The following MAU2 variants were observed in gnomAD, a reference collection of about 807,000 sequenced individuals.
MAU2 encodes the protein MAU2 sister chromatid cohesion factor, also known as MAU2 chromatid cohesion factor homolog.
In MAU2, 9 loss-of-function variants were observed where a neutral mutation model predicts 89.1. That is an observed-to-expected ratio of 0.10 (90% confidence interval 0.06 to 0.18). The LOEUF is 0.18. Ranked by LOEUF, MAU2 falls within the 10% of genes least tolerant of loss-of-function variation. The pLI is 1.00. For synonymous variants in MAU2, 357 were observed against 343.4 expected (o/e 1.04, Z -0.44); for missense variants, 425 against 803.5 (o/e 0.53, Z 5.69).
chr19:19,334,019 C>T (rs867400406), intron 1 of MAU2: 1 of 219,094 alleles, frequency 4.6e-6, no homozygotes, highest in African/African-American at 2.3e-5. Flanking sequence ...TCCCCTCTCT[C>T]CTGTGTGATT....
rs754973696 is a variant in MAU2 at position 19,343,832 on chromosome 19, C to G, written c.974-5C>G. On this transcript the variant is annotated splice_polypyrimidine_tract_variant and splice_region_variant and intron_variant, in intron 9 of 18. Coordinates refer to ENST00000262815, the MANE Select transcript of MAU2 (RefSeq NM_015329.4). ...TGCATGCTTACCCCTGACTCTCACC[C>G]ATAGTGCTGGACTGCAGCCCCATCC... 12 of 1,610,114 alleles carry G rather than the reference C, an allele frequency of 7.5e-6. No homozygotes were observed. The highest frequency in any genetic ancestry group is 2.7e-5 in the African/African-American group (2 of 74,870).
chr19:19,320,831 G>A lies in MAU2; in HGVS notation c.-29G>A. 1 of 1,496,196 alleles carries A rather than the reference G, an allele frequency of 6.7e-7. No individual in the cohort carries two copies. Among genetic ancestry groups the A allele is most frequent in the Non-Finnish European group, 8.8e-7 (1 of 1,136,956 alleles). The allele number at this position is 1,496,196 out of a possible 1,614,324, so 92.7% of individuals were successfully genotyped here. On this transcript the variant is annotated 5_prime_UTR_variant, in exon 1 of 19. Coordinates refer to ENST00000262815, the MANE Select transcript of MAU2 (RefSeq NM_015329.4). ...CGCGCGCCTGCTTCCGCCTCCCTGT[G>A]GCGGCGGCTTGTTGTTGTGGAGGCC...
intron 16 of MAU2, chr19:19,353,149 G>T (rs1321262279): frequency 6.6e-6 from 1 of 152,234 alleles, no homozygotes; most frequent in African/African-American, 2.4e-5. Flanking sequence ...AGCCTGTTAG[G>T]CTAGAGTGTC....
rs2146695509 is a variant in MAU2 at position 19,345,420 on chromosome 19, A to G, written c.1221+51A>G. 1 of 1,578,404 alleles carries G rather than the reference A, an allele frequency of 6.3e-7. No individual in the cohort carries two copies. Among genetic ancestry groups the G allele is most frequent in the Non-Finnish European group, 8.7e-7 (1 of 1,151,260 alleles). Reference sequence around the variant, plus strand: ...TCGGGGCGGGCCACACTTCTGAGTAAGGAGTCGGGCGTGGTCTGTGATGAG... The same window carrying G: ...TCGGGGCGGGCCACACTTCTGAGTAGGGAGTCGGGCGTGGTCTGTGATGAG... On this transcript the variant is annotated intron_variant, in intron 12 of 18. Transcript: ENST00000262815. The surrounding 1 kb of genome is among the most constrained non-coding windows in gnomAD (Gnocchi z 4.9).
intron 4 of MAU2, 126 bp from the exon 5 acceptor site, chr19:19,338,719 A>G (rs544507501): frequency 2.4e-5 from 16 of 665,020 alleles, no homozygotes; most frequent in South Asian, 1.9e-4. Context: ...AATTTAGCTC[A>G]AAACTGACAC....
intron 1 of MAU2, chr19:19,334,264 C>G: frequency 2.0e-6 from 2 of 985,566 alleles, no homozygotes; most frequent in South Asian, 9.4e-5. Flanking sequence ...CCCTCCTGTC[C>G]GTGCCACAAG....
intron 12 of MAU2, chr19:19,347,070 A>T: frequency 1.8e-6 from 1 of 543,858 alleles, no homozygotes; most frequent in Non-Finnish European, 3.3e-6. Flanking sequence ...TGTGTTCTCT[A>T]ACTGCCCCGT....
chr19:19,345,840 C>T lies in MAU2; in HGVS notation c.1221+471C>T, dbSNP rs1302191423. Among the ~76,000 whole-genome samples the T allele has an allele frequency of 6.6e-6, 1 of 152,162 alleles. No homozygotes were observed. Among genetic ancestry groups the T allele is most frequent in the Non-Finnish European group, 1.5e-5 (1 of 67,998 alleles). ...GTGAAGCAGCACCCCAGGCTCCTGG[C>T]CTTAGACGGGGGCCCCGCCAGGCCC... On this transcript the variant is annotated intron_variant, in intron 12 of 18. Transcript: ENST00000262815. This position sits in a 1 kb window ranked among gnomAD's most constrained non-coding sequence, Gnocchi z 4.9.
intron 1 of MAU2, among the ~76,000 whole-genome samples, chr19:19,329,735 A>T (rs1276150276): frequency 6.6e-6 from 1 of 151,718 alleles, no homozygotes; most frequent in Non-Finnish European, 1.5e-5. Flanking sequence ...GCACTTTGGG[A>T]GGCTAAGGCG....
At chr19:19,325,355 T>C (rs1343646408) in intron 1 of MAU2, among the ~76,000 whole-genome samples, 1 of 151,960 alleles carries the variant, frequency 6.6e-6, no homozygotes, top group African/African-American at 2.4e-5. Context: ...TTTGTATTTT[T>C]AGTAAAGAAG....
Position 19,328,264 on chromosome 19 carries a change from A to G in MAU2, c.276+7129A>G, listed in dbSNP as rs2061527501. On this transcript the variant is annotated intron_variant, in intron 1 of 18. Transcript: ENST00000262815. ...CTTGTTCTCTCTCTTCTTGCTGTAC[A>G]CCCATCCCTGTAAGTTTTCATTCTT... 4.6e-5 allele frequency among the ~76,000 whole-genome samples: 7 copies of G among 151,570 alleles called. No homozygotes were observed. The South Asian group carries it at 1.5e-3, about 32-fold the overall frequency.
At chr19:19,339,824 G>GGTCATGTGATCCATGTTGAGGTC (rs1487586961) in intron 5 of MAU2, 17 of 150,056 alleles carry the variant, frequency 1.1e-4, no homozygotes, top group African/African-American at 3.9e-4. Context: ...AGGAGTTTGA[G>GGTCATGTGATCCATGTTGAGGTC]ACCAGCCTGG....
At chr19:19,332,179 GAGTC>G (rs1568652748) in intron 1 of MAU2, among the ~76,000 whole-genome samples, 1 of 152,114 alleles carries the variant, frequency 6.6e-6, no homozygotes, top group South Asian at 2.1e-4. Context: ...TTTTTTGTAA[GAGTC>G]AGGGTCTTGC....
Position 19,345,414 on chromosome 19 carries a change from T to G in MAU2, c.1221+45T>G. 6.3e-7 allele frequency: 1 copy of G among 1,591,458 alleles called. No individual in the cohort carries two copies. The highest frequency in any genetic ancestry group is 8.6e-7 in the Non-Finnish European group (1 of 1,162,158). ...TGCTGCTCGGGGCGGGCCACACTTC[T>G]GAGTAAGGAGTCGGGCGTGGTCTGT... On this transcript the variant is annotated intron_variant, in intron 12 of 18. Coordinates refer to ENST00000262815, the MANE Select transcript of MAU2 (RefSeq NM_015329.4). This position sits in a 1 kb window ranked among gnomAD's most constrained non-coding sequence, Gnocchi z 4.9.
At chr19:19,352,007 C>T (rs1296592217) in intron 16 of MAU2, among the ~76,000 whole-genome samples, 2 of 151,870 alleles carry the variant, frequency 1.3e-5, no homozygotes, top group Non-Finnish European at 2.9e-5. Context: ...CACCATCACA[C>T]CTGGCTTATT....
At chr19:19,342,105 G>A (rs1568660511) in intron 7 of MAU2, among the ~76,000 whole-genome samples, 1 of 152,278 alleles carries the variant, frequency 6.6e-6, no homozygotes, top group Non-Finnish European at 1.5e-5. Context: ...AGGGTGCAAG[G>A]GCTGCAGAGA....
At chr19:19,339,007 G>T in intron 5 of MAU2, 68 bp downstream of exon 5, 1 of 1,272,476 alleles carries the variant, frequency 7.9e-7, no homozygotes, top group Non-Finnish European at 1.1e-6. Flanking sequence ...CTTGGTCCAG[G>T]ACAAATAACA....
chr19:19,341,881 T>C (rs766355144), intron 7 of MAU2, among the ~76,000 whole-genome samples: 2 of 152,122 alleles, frequency 1.3e-5, no homozygotes, highest in African/African-American at 2.4e-5. Flanking sequence ...GCTCCTTGTC[T>C]CTGTGCTTGT....
rs2061646547 is a variant in MAU2, at chr19:19,341,503, A to C, written c.735+96A>C. 7 of 1,452,084 alleles carry C rather than the reference A, an allele frequency of 4.8e-6. 1 individual carries two copies. In the South Asian group the frequency reaches 8.9e-5, roughly 19 times the overall value. The allele number at this position is 1,452,084 out of a possible 1,614,324, so 89.9% of individuals were successfully genotyped here. A position where few individuals can be genotyped will look rare whatever the true frequency, so the allele number is the denominator to read the frequency against. On this transcript the variant is annotated intron_variant, in intron 7 of 18. Coordinates refer to ENST00000262815, the MANE Select transcript of MAU2 (RefSeq NM_015329.4). Reference sequence around the variant, plus strand: ...CTTGGGCTGTGAGGTCAGCTGTGTCATCGCCTTACCTTGCCACACAACAGG... The same window carrying C: ...CTTGGGCTGTGAGGTCAGCTGTGTCCTCGCCTTACCTTGCCACACAACAGG...
Sources: gnomAD v4.1 joint callset for allele counts (sites outside exome capture counted in the v4.1 genomes callset) on GRCh38, gnomAD v4.1.1 for gene constraint, Gnocchi (gnomAD v3.1) non-coding constraint, MANE v1.5 for transcripts, NCBI Gene and HGNC (gene_info 2026-07-23, HGNC 2026-07-21) for gene names.